The following SGCD variants were observed in gnomAD, a reference collection of about 807,000 sequenced individuals.
SGCD encodes the protein delta-sarcoglycan.
SGCD carries 18 observed loss-of-function variants against 36.6 expected under a neutral mutation model. That is an observed-to-expected ratio of 0.49 (90% confidence interval 0.34 to 0.73). The LOEUF (loss-of-function observed/expected upper bound fraction) is 0.73, where lower values mean the gene tolerates loss of function less well. Among genes scored for constraint, SGCD ranks in the 30% least tolerant of loss-of-function variants. SGCD has a pLI of 0.01. For synonymous variants in SGCD, 133 were observed against 130.6 expected, an observed-to-expected ratio of 1.02 and a Z score of -0.12; for missense variants, 387 against 346.7, an observed-to-expected ratio of 1.12 and a Z score of -0.92.
intron 7 of SGCD, among the ~76,000 whole-genome samples, chr5:156,691,155 C>T (rs1277079671): frequency 7.4e-5 from 9 of 122,418 alleles, no homozygotes; most frequent in South Asian, 2.7e-4. Context: ...TGCAGTGAGC[C>T]GAGATTGTGC....
At chr5:156,124,689 G>C (rs536566840) in intron 3 of SGCD, among the ~76,000 whole-genome samples, 2 of 151,874 alleles carry the variant, frequency 1.3e-5, no homozygotes, top group African/African-American at 4.8e-5. Flanking sequence ...ATCTCTGTGC[G>C]TGTGTATGTG....
chr5:156,610,883 C>A (rs556840574), intron 6 of SGCD, among the ~76,000 whole-genome samples: 1 of 152,262 alleles, frequency 6.6e-6, no homozygotes, highest in Non-Finnish European at 1.5e-5. Context: ...TTGCTAAGAC[C>A]GTTGGGAAAG....
chr5:156,074,526 AT>A (rs552587557), intron 1 of SGCD, among the ~76,000 whole-genome samples: 621 of 152,278 alleles, frequency 4.1e-3, no homozygotes, highest in Non-Finnish European at 6.9e-3. Flanking sequence ...TACTAAAAAT[AT>A]AAAAATTAGC....
intron 3 of SGCD, among the ~76,000 whole-genome samples, chr5:156,275,293 G>A (rs906191164): frequency 1.3e-5 from 2 of 152,054 alleles, no homozygotes; most frequent in Non-Finnish European, 2.9e-5. Flanking sequence ...GACACCACAT[G>A]GGGTATAGAA....
chr5:156,729,091 C>T (rs1339642926), intron 7 of SGCD, among the ~76,000 whole-genome samples: 1 of 152,158 alleles, frequency 6.6e-6, no homozygotes, highest in African/African-American at 2.4e-5. Flanking sequence ...TATTTTAATG[C>T]CTCATAATAA....
chr5:155,938,703 TA>T (rs1757264607), intron 1 of SGCD, among the ~76,000 whole-genome samples: 1 of 152,212 alleles, frequency 6.6e-6, no homozygotes, highest in Non-Finnish European at 1.5e-5. Flanking sequence ...GAAACTGAGC[TA>T]ATAGTTTTTC....
At chr5:156,485,965 G>T (rs1437584331) in intron 3 of SGCD, among the ~76,000 whole-genome samples, 1 of 152,068 alleles carries the variant, frequency 6.6e-6, no homozygotes, top group Non-Finnish European at 1.5e-5. Context: ...GAGCTCCTCA[G>T]GTTTTGCAGG....
chr5:155,924,208 A>G (rs537555897), intron 1 of SGCD, among the ~76,000 whole-genome samples: 2 of 152,354 alleles, frequency 1.3e-5, no homozygotes, highest in African/African-American at 4.8e-5. Context: ...ACCCAACCCA[A>G]ACATATCTAG....
chr5:156,287,792 G>A (rs1206956940), intron 3 of SGCD, among the ~76,000 whole-genome samples: 1 of 152,070 alleles, frequency 6.6e-6, no homozygotes, highest in Non-Finnish European at 1.5e-5. Context: ...CCAGCCCTTT[G>A]TGAGGCTAAG....
intron 3 of SGCD, among the ~76,000 whole-genome samples, chr5:156,133,947 AC>A (rs1762389890): frequency 4.6e-5 from 7 of 151,198 alleles, no homozygotes; most frequent in African/African-American, 1.7e-4. Context: ...ACACACACAC[AC>A]ACACACACAC....
chr5:156,193,398 G>C (rs1426599778), intron 3 of SGCD, among the ~76,000 whole-genome samples: 1 of 152,092 alleles, frequency 6.6e-6, no homozygotes, highest in Non-Finnish European at 1.5e-5. Flanking sequence ...CTTATTTTGA[G>C]ATAATGGATA....
In SGCD at chr5:155,954,823, T is replaced by A. The variant is rs1757617939; in HGVS notation, c.-282+84399T>A. On this transcript the variant is annotated intron_variant, in intron 1 of 9. Transcript: ENST00000517913. Reference sequence around the variant, plus strand: ...TCATGCGATTATGCACAGTGACAGATTCCAAGATCTGCAGTCAGCAAGCTG... The same window carrying A: ...TCATGCGATTATGCACAGTGACAGAATCCAAGATCTGCAGTCAGCAAGCTG... 2.6e-5 allele frequency among the ~76,000 whole-genome samples: 4 copies of A among 152,134 alleles called. No individual in the cohort carries two copies. The South Asian group carries it at 8.3e-4, about 32-fold the overall frequency.
chr5:155,801,075 T>A, the SGCD span, among the ~76,000 whole-genome samples: 1 of 152,124 alleles, frequency 6.6e-6, no homozygotes, highest in African/African-American at 2.4e-5. Flanking sequence ...TGGAGTGGAG[T>A]CACACCTATG....
At chr5:155,788,895 G>C in the SGCD span, among the ~76,000 whole-genome samples, 2 of 152,098 alleles carry the variant, frequency 1.3e-5, no homozygotes, top group Non-Finnish European at 2.9e-5. Flanking sequence ...TTCAGGCCAA[G>C]AGAACAGCAA....
the SGCD span, among the ~76,000 whole-genome samples, chr5:155,749,170 T>A: frequency 6.6e-6 from 1 of 152,322 alleles, no homozygotes; most frequent in East Asian, 1.9e-4. Context: ...TTAGTCCTTG[T>A]TACTCCTTAA....
At chr5:156,143,836 A>G (rs2127611565) in intron 3 of SGCD, among the ~76,000 whole-genome samples, 1 of 151,112 alleles carries the variant, frequency 6.6e-6, no homozygotes, top group Non-Finnish European at 1.5e-5. Context: ...TGCTGCACCC[A>G]TTAACTCATC....
At chr5:156,443,500 A>C (rs1288714082) in intron 3 of SGCD, among the ~76,000 whole-genome samples, 1 of 152,078 alleles carries the variant, frequency 6.6e-6, no homozygotes, top group Non-Finnish European at 1.5e-5. Flanking sequence ...TGGGTGTTAG[A>C]AGTTGGACTG....
At chr5:155,871,666 G>A (rs981381920) in intron 1 of SGCD, among the ~76,000 whole-genome samples, 7 of 152,100 alleles carry the variant, frequency 4.6e-5, no homozygotes, top group South Asian at 2.1e-4. Context: ...TGTTATGGAG[G>A]GGAGACTGAA....
chr5:155,813,566 A>G, the SGCD span, among the ~76,000 whole-genome samples: 1 of 152,158 alleles, frequency 6.6e-6, no homozygotes. Flanking sequence ...CTGTTGGAGG[A>G]CAGCATTTCT....
Sources: gnomAD v4.1 joint callset for allele counts (sites outside exome capture counted in the v4.1 genomes callset) on GRCh38, gnomAD v4.1.1 for gene constraint, MANE v1.5 for transcripts, NCBI Gene and HGNC (gene_info 2026-07-23, HGNC 2026-07-21) for gene names.